The following TTC21A variants were observed in gnomAD, a reference collection of about 807,000 sequenced individuals.
The protein encoded by TTC21A is tetratricopeptide repeat domain 21A, also known as tetratricopeptide repeat protein 21A.
A neutral mutation model predicts 156.4 loss-of-function variants in TTC21A; 128 were observed. The ratio of observed to expected loss-of-function variants is 0.82; its 90% CI spans 0.71 to 0.95. The LOEUF (loss-of-function observed/expected upper bound fraction) is 0.95. Ranked by LOEUF, TTC21A falls within the 40% of genes least tolerant of loss-of-function variation. The probability of loss-of-function intolerance (pLI) is 0.00; values close to 1 mark genes in which losing one functional copy is unlikely to be tolerated. For missense variants in TTC21A, 1,435 were observed against 1,602.3 expected, an observed-to-expected ratio of 0.90 and a Z score of 1.78; for synonymous variants, 587 against 617.1, an observed-to-expected ratio of 0.95 and a Z score of 0.72.
At position 39,134,084 on chromosome 3, in the gene TTC21A, C is replaced by T. The variant is rs1036579874; in HGVS notation, c.2752-134C>T. 14 of 705,908 alleles carry T rather than the reference C, an allele frequency of 2.0e-5. No homozygotes were observed. Among genetic ancestry groups the T allele is most frequent in the South Asian group, 4.8e-5 (3 of 62,346 alleles). 43.7% of individuals were successfully genotyped at this position (705,908 alleles called of 1,614,324 possible). A position where few individuals can be genotyped will look rare whatever the true frequency, so the allele number is the denominator to read the frequency against. Reference sequence around the variant, plus strand: ...GAGAAGGGGAAGGCCAGGACGTTCACGTGGGGAATTCGAGACATATTTTGA... The same window carrying T: ...GAGAAGGGGAAGGCCAGGACGTTCATGTGGGGAATTCGAGACATATTTTGA... On this transcript the variant is annotated intron_variant, in intron 20 of 28. Transcript: ENST00000683103. This position sits in a 1 kb window ranked among gnomAD's most constrained non-coding sequence, Gnocchi z 4.6.
In TTC21A at chr3:39,112,344, G is replaced by A; in HGVS notation, c.436-114G>A. 1.9e-6 allele frequency: 2 copies of A among 1,078,330 alleles called. 1 individual carries two copies. The highest frequency in any genetic ancestry group is 2.8e-5 in the South Asian group (2 of 70,950). The allele number at this position is 1,078,330 out of a possible 1,614,324, so 66.8% of individuals were successfully genotyped here. ...GCTGGCTGCCCTGGGATCTGCACGG[G>A]ACTGTGCCTGGCAGGGCCTCAGGGT... On this transcript the variant is annotated intron_variant, in intron 4 of 28. Transcript: ENST00000683103.
At chr3:39,112,422 C>T (rs2036913459) in intron 4 of TTC21A, 36 bp from the exon 5 acceptor site, 1 of 1,611,036 alleles carries the variant, frequency 6.2e-7, no homozygotes, top group Admixed American at 1.7e-5. Context: ...CTGTGCAGGA[C>T]CAAGGACTTC....
intron 4 of TTC21A, among the ~76,000 whole-genome samples, chr3:39,112,145 C>CATGGAGG (rs752594404): frequency 3.5e-4 from 54 of 152,216 alleles, no homozygotes; most frequent in Non-Finnish European, 7.6e-4. Context: ...CAGTAAGGGT[C>CATGGAGG]ATGGAGAGCT....
Position 39,118,457 on chromosome 3 carries a change from T to C in TTC21A, c.801+304T>C, listed in dbSNP as rs568304050. ...AGCCGCAGGCTTCCTGTTTGTAAAA[T>C]AGACAGAATTCCACACAGGACTAAA... On this transcript the variant is annotated intron_variant, in intron 7 of 28. Coordinates refer to ENST00000683103, the MANE Select transcript of TTC21A (RefSeq NM_001366900.1). The C allele has an allele frequency of 9.7e-4, 449 of 465,260 alleles. 4 individuals are homozygous for C. Among genetic ancestry groups the C allele is most frequent in the African/African-American group, 7.9e-3 (410 of 52,060 alleles). The allele number at this position is 465,260 out of a possible 1,614,324, so 28.8% of individuals were successfully genotyped here.
At chr3:39,120,698 T>A (rs2037698185) in intron 8 of TTC21A, among the ~76,000 whole-genome samples, 1 of 152,190 alleles carries the variant, frequency 6.6e-6, no homozygotes, top group Non-Finnish European at 1.5e-5. Flanking sequence ...CTGGACACAT[T>A]CAGCTTCAAT....
chr3:39,107,936 G>A, intron 1 of TTC21A, 72 bp downstream of exon 1: 1 of 1,567,522 alleles, frequency 6.4e-7, no homozygotes, highest in Non-Finnish European at 8.7e-7. Context: ...CGTCTGCCCT[G>A]CTACTCTCCT....
intron 7 of TTC21A, chr3:39,118,355 C>T: frequency 1.7e-6 from 1 of 604,798 alleles, no homozygotes; most frequent in East Asian, 2.8e-5. Flanking sequence ...AGTCAGGCAG[C>T]ATCAGGCAGT....
intron 23 of TTC21A, 39 bp downstream of exon 23, chr3:39,136,546 A>G: frequency 6.2e-7 from 1 of 1,602,026 alleles, no homozygotes; most frequent in Non-Finnish European, 8.5e-7. Flanking sequence ...AGCTGTGTGC[A>G]GGAAGCCCTA....
chr3:39,110,780 G>A (rs969555755), intron 3 of TTC21A, 71 bp from the exon 4 acceptor site: 17 of 1,572,250 alleles, frequency 1.1e-5, no homozygotes, highest in South Asian at 3.4e-5. Flanking sequence ...CTGGGCCCTC[G>A]GTGGCCCATG....
chr3:39,109,044 G>A, intron 1 of TTC21A, 41 bp from the exon 2 acceptor site: 1 of 1,602,168 alleles, frequency 6.2e-7, no homozygotes, highest in Non-Finnish European at 8.5e-7. Context: ...CAGAGACAGA[G>A]AAGGGACTGG....
chr3:39,126,498 AC>A lies in TTC21A; in HGVS notation c.1522+109del, dbSNP rs2038260056. ...ACTACACACACACACACACACACAC[AC>A]ACACACACACACACACACACACTCT... On this transcript the variant is annotated intron_variant, in intron 12 of 28. Coordinates refer to ENST00000683103, the MANE Select transcript of TTC21A (RefSeq NM_001366900.1). 3 of 969,516 alleles carry A rather than the reference AC, an allele frequency of 3.1e-6. No homozygotes were observed. In the East Asian group the frequency reaches 7.9e-5, roughly 26 times the overall value. The allele number at this position is 969,516 out of a possible 1,614,324, so 60.1% of individuals were successfully genotyped here.
rs896074636 is a variant in TTC21A at position 39,109,533 on chromosome 3, A to AG, written c.157+324dup. ...TGAGAACTGGTAATGCAGGCAAAGGAGGGGGAAGAGGTAGGTGTGAGGACA... is the reference window on the plus strand; with the variant it reads ...TGAGAACTGGTAATGCAGGCAAAGGAGGGGGGAAGAGGTAGGTGTGAGGACA... On this transcript the variant is annotated intron_variant, in intron 2 of 28. Transcript: ENST00000683103. 1.1e-3 allele frequency among the ~76,000 whole-genome samples: 162 copies of AG among 152,212 alleles called. 1 individual carries two copies. The highest frequency in any genetic ancestry group is 3.6e-3 in the African/African-American group (150 of 41,532).
chr3:39,110,212 C>T (rs865946429), intron 3 of TTC21A, 73 bp downstream of exon 3: 4 of 1,160,120 alleles, frequency 3.4e-6, no homozygotes, highest in Middle Eastern at 4.0e-4. Flanking sequence ...ATAACACAGC[C>T]CCTCAAGGGC....
chr3:39,114,455 A>C, intron 5 of TTC21A, 130 bp from the exon 6 acceptor site: 1 of 849,038 alleles, frequency 1.2e-6, no homozygotes, highest in Non-Finnish European at 1.9e-6. Context: ...GGCCCAGCTG[A>C]GAGGACCCAC....
chr3:39,115,822 T>C (rs2037246573), intron 6 of TTC21A, among the ~76,000 whole-genome samples: 1 of 152,174 alleles, frequency 6.6e-6, no homozygotes, highest in South Asian at 2.1e-4. Context: ...TAGGGAAATA[T>C]ATAGCACAGG....
At chr3:39,128,962 G>T (rs2125835769) in intron 14 of TTC21A, 30 bp downstream of exon 14, 1 of 1,612,538 alleles carries the variant, frequency 6.2e-7, no homozygotes, top group Non-Finnish European at 8.5e-7. Context: ...CTTCCCTGGG[G>T]ACTGGGGCAC....
chr3:39,128,880 G>T lies in TTC21A; in HGVS notation c.1844G>T (p.Arg615Leu). 6.2e-7 allele frequency: 1 copy of T among 1,614,140 alleles called. No homozygotes were observed. The highest frequency in any genetic ancestry group is 8.5e-7 in the Non-Finnish European group (1 of 1,180,024). ...FLRPSVQPSQ[R>L]ASILLELVEA... ...AGGCCCTCTGTGCAGCCTAGCCAGCGGGCATCCATCTTATTGGAACTGGTG... is the reference window on the plus strand; with the variant it reads ...AGGCCCTCTGTGCAGCCTAGCCAGCTGGCATCCATCTTATTGGAACTGGTG... The change falls in exon 14 of 29, where the codon CGG becomes CTG. Residue 615 changes from arginine to leucine, a missense_variant. Coordinates refer to ENST00000683103, the MANE Select transcript of TTC21A (RefSeq NM_001366900.1).
intron 5 of TTC21A, 111 bp downstream of exon 5, chr3:39,112,691 C>T (rs1365645101): frequency 1.3e-6 from 2 of 1,486,212 alleles, no homozygotes; most frequent in Non-Finnish European, 1.8e-6. Context: ...TGCCTCATCT[C>T]GTAGATAAAG....
At chr3:39,112,791 C>G (rs2036945767) in intron 5 of TTC21A, 1 of 275,000 alleles carries the variant, frequency 3.6e-6, no homozygotes. Flanking sequence ...CCTGCTTGAT[C>G]TGAGTTTCTG....
Sources: allele counts gnomAD v4.1 joint callset (sites outside exome capture counted in the v4.1 genomes callset), GRCh38; gene constraint gnomAD v4.1.1; non-coding constraint Gnocchi (gnomAD v3.1); transcripts MANE v1.5; gene names NCBI Gene and HGNC (gene_info 2026-07-23, HGNC 2026-07-21).